PMPCB: variants seen among roughly 807,000 people sequenced by gnomAD.
PMPCB encodes peptidase, mitochondrial processing subunit beta, also known as mitochondrial-processing peptidase subunit beta.
A neutral mutation model predicts 61.5 loss-of-function variants in PMPCB; 46 were observed. That is an observed-to-expected ratio of 0.75 (90% confidence interval 0.59 to 0.96). The LOEUF (loss-of-function observed/expected upper bound fraction) is 0.96. PMPCB is among the 40% of genes least tolerant of loss of function. The pLI is 0.00. For missense variants in PMPCB, 590 were observed against 602.4 expected, an observed-to-expected ratio of 0.98 and a Z score of 0.22; for synonymous variants, 191 against 201.6, an observed-to-expected ratio of 0.95 and a Z score of 0.44.
intron 12 of PMPCB, among the ~76,000 whole-genome samples, chr7:103,321,481 G>T (rs1179971348): frequency 6.6e-6 from 1 of 151,674 alleles, no homozygotes; most frequent in African/African-American, 2.4e-5. Context: ...TCGTGCCATT[G>T]CACTCCAGAC....
the PMPCB span, among the ~76,000 whole-genome samples, chr7:103,343,850 A>G: frequency 6.6e-6 from 1 of 152,224 alleles, no homozygotes; most frequent in Non-Finnish European, 1.5e-5. Context: ...ACACGGAGAC[A>G]CATAAATGCA....
rs763419240 is a variant in PMPCB at position 103,308,944 on chromosome 7, T to G, written c.850-8T>G. On this transcript the variant is annotated splice_polypyrimidine_tract_variant and splice_region_variant and intron_variant, in intron 7 of 12. Transcript: ENST00000249269. ...TAACTAGAGGTCCTCCTGCTTTATC[T>G]TAACTAGATTCGTGTGAGGGATGAC... is the stretch of plus-strand genomic sequence containing the variant. 6.4e-7 allele frequency: 1 copy of G among 1,566,928 alleles called. No individual in the cohort carries two copies. Among genetic ancestry groups the G allele is most frequent in the South Asian group, 1.2e-5 (1 of 84,282 alleles).
At chr7:103,327,780 A>T (rs1295760062) in intron 12 of PMPCB, 1 of 1,528,558 alleles carries the variant, frequency 6.5e-7, no homozygotes, top group Non-Finnish European at 9.0e-7. Flanking sequence ...GATTGAGATA[A>T]TTTGTCACTT....
At chr7:103,335,700 C>G in the PMPCB span, 5 of 152,250 alleles carry the variant, frequency 3.3e-5, no homozygotes, top group East Asian at 7.8e-4. Flanking sequence ...CATGCGCCAC[C>G]GCACCTGGCT....
downstream of PMPCB, chr7:103,314,710 T>C (rs1012607334): frequency 1.1e-6 from 1 of 938,418 alleles, no homozygotes; most frequent in African/African-American, 1.8e-5. Flanking sequence ...CTGCTGATTT[T>C]TGCAATGATT....
chr7:103,319,610 T>C (rs1361422731), downstream of PMPCB: 1 of 1,614,078 alleles, frequency 6.2e-7, no homozygotes, highest in African/African-American at 1.3e-5. Context: ...CTCTATTACC[T>C]GTTTTTCCAA....
chr7:103,317,163 C>T, downstream of PMPCB: 2 of 677,366 alleles, frequency 3.0e-6, no homozygotes, highest in Non-Finnish European at 2.4e-6. Flanking sequence ...AAAAGAAGCA[C>T]CAGCTTTTCA....
chr7:103,319,684 GAAAA>G, downstream of PMPCB: 1 of 1,597,832 alleles, frequency 6.3e-7, no homozygotes, highest in Admixed American at 1.7e-5. Context: ...GTAAGCTAAA[GAAAA>G]AAAAAGAAGA....
intron 3 of PMPCB, among the ~76,000 whole-genome samples, chr7:103,299,822 G>A (rs951660337): frequency 1.2e-4 from 18 of 152,290 alleles, no homozygotes; most frequent in African/African-American, 4.3e-4. Flanking sequence ...CTAGGCTGGA[G>A]TGCGGTGACG....
chr7:103,326,971 A>G (rs1818740506), intron 12 of PMPCB, among the ~76,000 whole-genome samples: 1 of 152,210 alleles, frequency 6.6e-6, no homozygotes, highest in Non-Finnish European at 1.5e-5. Context: ...ATAGCTAGTA[A>G]GTTAATTGTT....
the PMPCB span, among the ~76,000 whole-genome samples, chr7:103,343,285 G>C: frequency 1.3e-5 from 2 of 152,330 alleles, no homozygotes; most frequent in African/African-American, 2.4e-5. Context: ...ATAGACGTGA[G>C]CCACCGCACC....
At chr7:103,324,441 TTAAAA>T in intron 12 of PMPCB, 1 of 1,421,744 alleles carries the variant, frequency 7.0e-7, no homozygotes, top group South Asian at 1.4e-5. Flanking sequence ...ACTTTTCCTT[TTAAAA>T]AATGACAGCA....
Position 103,313,308 on chromosome 7 carries a change from C to T in PMPCB, c.*1037C>T. Reference sequence around the variant, plus strand: ...TAGCTCACATCCCAGAAAATAAAATCTCAAAGGCTTTTAAAACACAATAGT... The same window carrying T: ...TAGCTCACATCCCAGAAAATAAAATTTCAAAGGCTTTTAAAACACAATAGT... On this transcript the variant is annotated 3_prime_UTR_variant, in exon 13 of 13. Coordinates refer to ENST00000249269, the MANE Select transcript of PMPCB (RefSeq NM_004279.3). 2 of 1,317,710 alleles carry T rather than the reference C, an allele frequency of 1.5e-6. No individual in the cohort carries two copies. The highest frequency in any genetic ancestry group is 2.3e-5 in the South Asian group (1 of 44,266). The allele number at this position is 1,317,710 out of a possible 1,614,324, so 81.6% of individuals were successfully genotyped here. A position where few individuals can be genotyped will look rare whatever the true frequency, so the allele number is the denominator to read the frequency against.
chr7:103,337,507 C>A, the PMPCB span: 7 of 454,200 alleles, frequency 1.5e-5, no homozygotes, highest in Non-Finnish European at 2.3e-5. Flanking sequence ...ACACACACAC[C>A]CATCCTAATT....
chr7:103,304,964 AAAAAG>A (rs1425253718), intron 6 of PMPCB, among the ~76,000 whole-genome samples: 4 of 152,204 alleles, frequency 2.6e-5, no homozygotes, highest in African/African-American at 7.2e-5. Context: ...CTCAAAAAAA[AAAAAG>A]AAAAGTAGGT....
In PMPCB at chr7:103,299,534, G is replaced by T; in HGVS notation, c.327+5G>T. The T allele has an allele frequency of 6.3e-7, 1 of 1,586,658 alleles. No homozygotes were observed. Among genetic ancestry groups the T allele is most frequent in the South Asian group, 1.1e-5 (1 of 89,292 alleles). On this transcript the variant is annotated splice_donor_5th_base_variant and intron_variant, in intron 3 of 12. Coordinates refer to ENST00000249269, the MANE Select transcript of PMPCB (RefSeq NM_004279.3). Reference sequence around the variant, plus strand: ...CTGGAGCATATGGCTTTCAAGGCAAGTTGTAAGACTTTACAAAAATGCACT... The same window carrying T: ...CTGGAGCATATGGCTTTCAAGGCAATTTGTAAGACTTTACAAAAATGCACT...
At position 103,312,884 on chromosome 7, in the gene PMPCB, T is replaced by C; in HGVS notation, c.*613T>C. 3.8e-6 allele frequency: 6 copies of C among 1,560,918 alleles called. No homozygotes were observed. The highest frequency in any genetic ancestry group is 5.2e-6 in the Non-Finnish European group (6 of 1,159,864). ...TTAACCACTTAATAGACATAAAATATGAGCTATATCACCCAAGCTACAATT... is the reference window on the plus strand; with the variant it reads ...TTAACCACTTAATAGACATAAAATACGAGCTATATCACCCAAGCTACAATT... On this transcript the variant is annotated 3_prime_UTR_variant, in exon 13 of 13. Coordinates refer to ENST00000249269, the MANE Select transcript of PMPCB (RefSeq NM_004279.3).
chr7:103,333,205 G>A (rs763197232), downstream of PMPCB, among the ~76,000 whole-genome samples: 5 of 152,120 alleles, frequency 3.3e-5, no homozygotes, highest in Non-Finnish European at 5.9e-5. Flanking sequence ...TTGGGATACT[G>A]TCTTATTTAT....
chr7:103,322,895 A>G (rs1818497803), intron 12 of PMPCB: 1 of 926,528 alleles, frequency 1.1e-6, no homozygotes, highest in African/African-American at 1.7e-5. Flanking sequence ...AACATCCTAG[A>G]GGTTAAAATG....
Sources: gnomAD v4.1 joint callset for allele counts (sites outside exome capture counted in the v4.1 genomes callset) on GRCh38, gnomAD v4.1.1 for gene constraint, MANE v1.5 for transcripts, NCBI Gene and HGNC (gene_info 2026-07-23, HGNC 2026-07-21) for gene names.